Variants in PRR16 observed in about 807,000 individuals in gnomAD.
PRR16 encodes the protein protein Largen.
In PRR16, 6 loss-of-function variants were observed where a neutral mutation model predicts 18.2. The observed-to-expected ratio is 0.33, with a 90% CI of 0.18 to 0.65. PRR16 has a LOEUF of 0.65. Ranked by LOEUF, PRR16 falls within the 30% of genes least tolerant of loss-of-function variation. The pLI, the probability that PRR16 is intolerant of heterozygous loss-of-function variation, is 0.74. For missense variants in PRR16, 412 were observed against 376.6 expected, an observed-to-expected ratio of 1.09 and a Z score of -0.78; for synonymous variants, 151 against 147.8, an observed-to-expected ratio of 1.02 and a Z score of -0.16.
intron 1 of PRR16, among the ~76,000 whole-genome samples, chr5:120,559,538 A>G (rs1752513963): frequency 6.6e-6 from 1 of 151,896 alleles, no homozygotes; most frequent in African/African-American, 2.4e-5. Context: ...TGTTAGTACC[A>G]TACTGTTTGG....
At chr5:120,731,710 G>A in the PRR16 span, among the ~76,000 whole-genome samples, 1 of 152,108 alleles carries the variant, frequency 6.6e-6, no homozygotes, top group Non-Finnish European at 1.5e-5. Context: ...ATAAAGTGTT[G>A]TATCCACTCT....
intron 1 of PRR16, among the ~76,000 whole-genome samples, chr5:120,535,346 A>G (rs1048387275): frequency 6.6e-6 from 1 of 152,184 alleles, no homozygotes; most frequent in African/African-American, 2.4e-5. Flanking sequence ...TATTTTACCA[A>G]TTTACTTTAT....
intron 1 of PRR16, among the ~76,000 whole-genome samples, chr5:120,644,112 G>T (rs753032137): frequency 4.6e-5 from 7 of 152,036 alleles, no homozygotes; most frequent in Non-Finnish European, 8.8e-5. Context: ...TCTCTTACTA[G>T]CTGTGTGAGT....
intron 1 of PRR16, among the ~76,000 whole-genome samples, chr5:120,575,261 G>A (rs1753035638): frequency 6.8e-6 from 1 of 146,516 alleles, no homozygotes; most frequent in Non-Finnish European, 1.5e-5. Flanking sequence ...GTTTATAGTA[G>A]GATTATTCAA....
intron 1 of PRR16, among the ~76,000 whole-genome samples, chr5:120,469,578 C>T (rs1210868798): frequency 1.3e-5 from 2 of 152,196 alleles, no homozygotes; most frequent in South Asian, 2.1e-4. Flanking sequence ...CATCCTCCTG[C>T]TTAGGCCTCC....
chr5:120,562,468 T>G (rs1752607171), intron 1 of PRR16, among the ~76,000 whole-genome samples: 1 of 152,184 alleles, frequency 6.6e-6, no homozygotes, highest in African/African-American at 2.4e-5. Context: ...TTTAGTCCAT[T>G]TACATTCAAT....
At chr5:120,739,332 A>T in the PRR16 span, among the ~76,000 whole-genome samples, 1 of 152,190 alleles carries the variant, frequency 6.6e-6, no homozygotes, top group Non-Finnish European at 1.5e-5. Context: ...CATGTATCTA[A>T]ACACACATCA....
chr5:120,534,482 G>C (rs1339669140), intron 1 of PRR16, among the ~76,000 whole-genome samples: 1 of 151,980 alleles, frequency 6.6e-6, no homozygotes, highest in African/African-American at 2.4e-5. Flanking sequence ...ACACTCTACT[G>C]CACCTGAAGT....
intron 1 of PRR16, among the ~76,000 whole-genome samples, chr5:120,528,261 C>A (rs1751433404): frequency 6.6e-6 from 1 of 152,098 alleles, no homozygotes; most frequent in Admixed American, 6.6e-5. Context: ...TGAACTAAGT[C>A]AGCATCATGG....
At chr5:120,627,552 T>C (rs957412380) in intron 1 of PRR16, among the ~76,000 whole-genome samples, 1 of 152,042 alleles carries the variant, frequency 6.6e-6, no homozygotes, top group Non-Finnish European at 1.5e-5. Context: ...ATCCTACACA[T>C]ACACAACATA....
the PRR16 span, among the ~76,000 whole-genome samples, chr5:120,734,403 A>G: frequency 6.6e-6 from 1 of 152,132 alleles, no homozygotes; most frequent in Non-Finnish European, 1.5e-5. Flanking sequence ...CATTTATAAT[A>G]TGTTCTTTTC....
the PRR16 span, among the ~76,000 whole-genome samples, chr5:120,723,578 A>G: frequency 1.3e-5 from 2 of 152,018 alleles, no homozygotes; most frequent in African/African-American, 2.4e-5. Context: ...GTATTTGACA[A>G]TACAAGTCAT....
intron 1 of PRR16, among the ~76,000 whole-genome samples, chr5:120,538,068 G>A (rs1031378353): frequency 1.5e-4 from 23 of 152,098 alleles, no homozygotes; most frequent in Non-Finnish European, 4.4e-5. Flanking sequence ...GAGCCACCGC[G>A]CCCGGCCGTT....
chr5:120,636,523 C>G (rs1478532924), intron 1 of PRR16, among the ~76,000 whole-genome samples: 1 of 151,960 alleles, frequency 6.6e-6, no homozygotes, highest in African/African-American at 2.4e-5. Context: ...ACAAAAACAT[C>G]AAGTGCGGAA....
intron 1 of PRR16, among the ~76,000 whole-genome samples, chr5:120,643,380 G>A (rs930989869): frequency 1.3e-5 from 2 of 152,018 alleles, no homozygotes; most frequent in Non-Finnish European, 2.9e-5. Context: ...CTGGTAGTCA[G>A]TATTACTACA....
intron 1 of PRR16, among the ~76,000 whole-genome samples, chr5:120,673,813 G>A (rs551235820): frequency 3.9e-5 from 6 of 151,902 alleles, no homozygotes; most frequent in East Asian, 1.9e-4. Flanking sequence ...AAATTAGCCC[G>A]GCATGGTGGC....
At chr5:120,496,863 T>C (rs1750261680) in intron 1 of PRR16, among the ~76,000 whole-genome samples, 1 of 152,142 alleles carries the variant, frequency 6.6e-6, no homozygotes, top group African/African-American at 2.4e-5. Flanking sequence ...CACTCAGCAC[T>C]GCTTTAGCTG....
At chr5:120,774,397 T>G in the PRR16 span, among the ~76,000 whole-genome samples, 1 of 152,136 alleles carries the variant, frequency 6.6e-6, no homozygotes, top group Non-Finnish European at 1.5e-5. Context: ...AGAAAAATAA[T>G]ACCTAACTTG....
At chr5:120,712,213 G>A in the PRR16 span, among the ~76,000 whole-genome samples, 90,061 of 151,910 alleles carry the variant, frequency 0.59, 27,776 homozygotes, top group Middle Eastern at 0.72. Context: ...TCCTTTGTGC[G>A]TGGTAAGAGA....
Sources: gnomAD v4.1 joint callset for allele counts (sites outside exome capture counted in the v4.1 genomes callset) on GRCh38, gnomAD v4.1.1 for gene constraint, MANE v1.5 for transcripts, NCBI Gene and HGNC (gene_info 2026-07-23, HGNC 2026-07-21) for gene names.